The following SNRPN variants were observed in gnomAD, a reference collection of about 807,000 sequenced individuals.
The protein encoded by SNRPN is small nuclear ribonucleoprotein polypeptide N.
In SNRPN, 7 loss-of-function variants were observed where a neutral mutation model predicts 25.2. The observed-to-expected ratio is 0.28, with a 90% CI of 0.16 to 0.52. The LOEUF (loss-of-function observed/expected upper bound fraction) is 0.52, where lower values mean the gene tolerates loss of function less well. Among genes scored for constraint, SNRPN ranks in the 20% least tolerant of loss-of-function variants. The probability of loss-of-function intolerance (pLI) is 0.96; values close to 1 mark genes in which losing one functional copy is unlikely to be tolerated. For synonymous variants in SNRPN, 124 were observed against 110.6 expected (o/e 1.12, Z -0.76); for missense variants, 196 against 322.5 (o/e 0.61, Z 3.00).
chr15:24,910,486 C>T (rs1034961045), intron 2 of SNRPN, among the ~76,000 whole-genome samples: 3 of 151,882 alleles, frequency 2.0e-5, no homozygotes, highest in African/African-American at 7.3e-5. Flanking sequence ...AAAAAAAATG[C>T]TAATTATTAT....
intron 1 of SNRPN, among the ~76,000 whole-genome samples, chr15:24,827,386 G>T (rs983405509): frequency 6.6e-6 from 1 of 151,658 alleles, no homozygotes; most frequent in African/African-American, 2.4e-5. Flanking sequence ...GCGGTGGCGG[G>T]CGCCTGTAGT....
chr15:24,880,108 T>G (rs1159524011), intron 1 of SNRPN, among the ~76,000 whole-genome samples: 1 of 152,214 alleles, frequency 6.6e-6, no homozygotes, highest in East Asian at 1.9e-4. Context: ...AAAAGGAAAA[T>G]GGTGAAGTTG....
At chr15:24,959,640 A>G (rs1438943091) in intron 1 of SNRPN, among the ~76,000 whole-genome samples, 1 of 152,132 alleles carries the variant, frequency 6.6e-6, no homozygotes, top group Non-Finnish European at 1.5e-5. Flanking sequence ...TAGTTTCTTT[A>G]ATTGTATTAT....
At chr15:24,954,958 A>G (rs28408335), upstream of SNRPN, 1,763 of 1,580,590 alleles carry the variant, frequency 1.1e-3, 18 homozygotes, top group African/African-American at 0.02. Context: ...GATGTGTGCG[A>G]AGCCTGCCGC....
intron 2 of SNRPN, among the ~76,000 whole-genome samples, chr15:24,964,720 A>G (rs1431059820): frequency 6.6e-6 from 1 of 152,132 alleles, no homozygotes; most frequent in African/African-American, 2.4e-5. Flanking sequence ...TCTTAGGTTT[A>G]GGACTGTTAA....
intron 3 of SNRPN, among the ~76,000 whole-genome samples, chr15:24,972,433 T>A (rs2153649935): frequency 6.6e-6 from 1 of 152,262 alleles, no homozygotes; most frequent in African/African-American, 2.4e-5. Flanking sequence ...CTTTGTTTGC[T>A]TATTTGAAAA....
intron 2 of SNRPN, among the ~76,000 whole-genome samples, chr15:24,913,011 C>G (rs2059306747): frequency 1.3e-5 from 2 of 152,280 alleles, no homozygotes; most frequent in South Asian, 2.1e-4. Context: ...GTGATCTCAG[C>G]TCACTGCAAC....
chr15:24,913,595 A>G (rs1323076874), intron 2 of SNRPN, among the ~76,000 whole-genome samples: 2 of 152,174 alleles, frequency 1.3e-5, no homozygotes, highest in African/African-American at 2.4e-5. Flanking sequence ...ACAGTGAGCC[A>G]AGATCACGCC....
intron 1 of SNRPN, among the ~76,000 whole-genome samples, chr15:24,875,354 C>T (rs747899539): frequency 6.6e-6 from 1 of 152,162 alleles, no homozygotes; most frequent in African/African-American, 2.4e-5. Context: ...GTTAGAATAT[C>T]TTTTCTATGA....
At chr15:24,970,594 T>C (rs2076278486) in intron 3 of SNRPN, among the ~76,000 whole-genome samples, 1 of 152,140 alleles carries the variant, frequency 6.6e-6, no homozygotes. Flanking sequence ...AAAAATTGTG[T>C]TATGAATATT....
At chr15:24,878,590 A>C (rs1484425486) in intron 1 of SNRPN, among the ~76,000 whole-genome samples, 1 of 152,152 alleles carries the variant, frequency 6.6e-6, no homozygotes, top group East Asian at 1.9e-4. Context: ...GCTTCGTATA[A>C]TTGTTCTGGT....
intron 2 of SNRPN, among the ~76,000 whole-genome samples, chr15:24,916,409 C>T (rs1442225518): frequency 6.6e-6 from 1 of 151,862 alleles, no homozygotes; most frequent in Admixed American, 6.6e-5. Flanking sequence ...CAGATAGGTA[C>T]ATAAGCTTAG....
chr15:24,832,726 G>T (rs1250555901), intron 2 of SNRPN, among the ~76,000 whole-genome samples: 1 of 152,000 alleles, frequency 6.6e-6, no homozygotes, highest in Non-Finnish European at 1.5e-5. Context: ...TCCAAGGTCA[G>T]TTCAACTTGG....
At chr15:24,826,826 C>A (rs2050119165) in intron 1 of SNRPN, among the ~76,000 whole-genome samples, 1 of 151,914 alleles carries the variant, frequency 6.6e-6, no homozygotes, top group East Asian at 1.9e-4. Context: ...TGACTAATGG[C>A]AAATACAGTC....
intron 3 of SNRPN, among the ~76,000 whole-genome samples, chr15:24,925,511 A>G (rs1232151472): frequency 1.3e-5 from 2 of 152,118 alleles, no homozygotes; most frequent in Admixed American, 6.6e-5. Flanking sequence ...TCCACACCCC[A>G]GTTCCTCTGC....
At chr15:24,887,758 C>T (rs1299935430) in intron 2 of SNRPN, among the ~76,000 whole-genome samples, 2 of 152,090 alleles carry the variant, frequency 1.3e-5, no homozygotes, top group Non-Finnish European at 2.9e-5. Context: ...AAATGATACC[C>T]CAGCCCATGA....
At chr15:24,902,396 TAAA>T (rs150041079) in intron 2 of SNRPN, among the ~76,000 whole-genome samples, 2 of 151,946 alleles carry the variant, frequency 1.3e-5, no homozygotes. Context: ...AGTAGTAACT[TAAA>T]AAAATATATA....
In SNRPN at chr15:24,972,077, G is replaced by A. The variant is rs187409136; in HGVS notation, c.-143-2234G>A. 5.1e-3 allele frequency among the ~76,000 whole-genome samples: 778 copies of A among 152,108 alleles called. 4 individuals carry two copies. The highest frequency in any genetic ancestry group is 0.018 in the African/African-American group (730 of 41,522). On this transcript the variant is annotated intron_variant, in intron 3 of 9. Transcript: ENST00000390687. ...TCGAGACTAGCCTGGCCAACGTAGC[G>A]AAATTCCTTCTCTGCTAAAAATACA...
chr15:24,918,408 TAA>T lies in SNRPN; in HGVS notation c.-504-1602_-504-1601del, dbSNP rs1566908688. Reference sequence around the variant, plus strand: ...AATATATATGTGTATATATATAACATAATATATATGTGTATATATAACATAAT... The same window carrying T: ...AATATATATGTGTATATATATAACATTATATATGTGTATATATAACATAAT... On this transcript the variant is annotated intron_variant, in intron 2 of 11. Coordinates refer to the SNRPN transcript ENST00000400097. 3.9e-3 allele frequency among the ~76,000 whole-genome samples: 267 copies of T among 67,702 alleles called. 6 individuals carry two copies. Among genetic ancestry groups the T allele is most frequent in the South Asian group, 6.2e-3 (10 of 1,624 alleles). The allele number at this position is 67,702 out of a possible 152,430, so 44.4% of individuals were successfully genotyped here.
Sources: gnomAD v4.1 joint callset for allele counts (sites outside exome capture counted in the v4.1 genomes callset) on GRCh38, gnomAD v4.1.1 for gene constraint, MANE v1.5 for transcripts, NCBI Gene and HGNC (gene_info 2026-07-23, HGNC 2026-07-21) for gene names.